The following SMAD1 variants were observed in gnomAD, a reference collection of about 807,000 sequenced individuals.
SMAD1 encodes SMAD family member 1.
SMAD1 carries 6 observed loss-of-function variants against 41.6 expected under a neutral mutation model. That is an observed-to-expected ratio of 0.14 (90% CI 0.08 to 0.28). SMAD1 has a LOEUF of 0.28. SMAD1 is among the 10% of genes least tolerant of loss of function. The pLI, the probability that SMAD1 is intolerant of heterozygous loss-of-function variation, is 1.00. For missense variants in SMAD1, 379 were observed against 582.6 expected (o/e 0.65, Z 3.60); for synonymous variants, 206 against 203.2 (o/e 1.01, Z -0.12).
intron 2 of SMAD1, among the ~76,000 whole-genome samples, chr4:145,522,760 A>G (rs894960027): frequency 1.3e-5 from 2 of 150,698 alleles, no homozygotes; most frequent in African/African-American, 4.9e-5. Context: ...GCTCACTGCA[A>G]CCTCTGCCTC....
chr4:145,554,873 A>G (rs918187469), intron 6 of SMAD1, among the ~76,000 whole-genome samples: 2 of 152,188 alleles, frequency 1.3e-5, no homozygotes, highest in Non-Finnish European at 2.9e-5. Flanking sequence ...GAGTGAGGCA[A>G]TTATCTTTTA....
chr4:145,546,640 G>T (rs1393380322), intron 4 of SMAD1, 63 bp from the exon 5 acceptor site: 13 of 1,148,916 alleles, frequency 1.1e-5, no homozygotes, highest in Non-Finnish European at 1.3e-5. Context: ...TCAACAACAC[G>T]GTTTCAGTTT....
intron 2 of SMAD1, among the ~76,000 whole-genome samples, chr4:145,528,107 ATT>A (rs751680168): frequency 2.2e-5 from 3 of 133,748 alleles, no homozygotes; most frequent in African/African-American, 2.8e-5. Context: ...ACACACATAT[ATT>A]TTTTTTTTTT....
chr4:145,526,599 A>G (rs1731029647), intron 2 of SMAD1, among the ~76,000 whole-genome samples: 1 of 151,352 alleles, frequency 6.6e-6, no homozygotes, highest in African/African-American at 2.4e-5. Flanking sequence ...ATCTGAGACA[A>G]TTTGATCAAC....
Position 145,540,065 on chromosome 4 carries a change from G to A in SMAD1, c.658+4G>A, listed in dbSNP as rs758415385. On this transcript the variant is annotated splice_donor_region_variant and intron_variant, in intron 3 of 6. Transcript: ENST00000302085. ...GGAAGCCCTTTCCAGATGCCAGGTA[G>A]GTTGGAATGTTCAGTGATGTTCTGT... The A allele has an allele frequency of 6.2e-7, 1 of 1,613,992 alleles. No individual in the cohort carries two copies. Among genetic ancestry groups the A allele is most frequent in the Admixed American group, 1.7e-5 (1 of 60,004 alleles).
At chr4:145,538,690 A>G (rs759017749) in intron 2 of SMAD1, among the ~76,000 whole-genome samples, 11 of 152,168 alleles carry the variant, frequency 7.2e-5, no homozygotes, top group Non-Finnish European at 1.5e-4. Flanking sequence ...CTAACAACCA[A>G]CAATAATCAT....
chr4:145,521,408 A>T (rs1009283057), intron 2 of SMAD1, among the ~76,000 whole-genome samples: 1 of 152,126 alleles, frequency 6.6e-6, no homozygotes, highest in African/African-American at 2.4e-5. Flanking sequence ...GGGCATATTA[A>T]ATCTGAGCTT....
At chr4:145,488,492 G>GTA (rs1728609384) in intron 1 of SMAD1, among the ~76,000 whole-genome samples, 1 of 151,772 alleles carries the variant, frequency 6.6e-6, no homozygotes, top group Non-Finnish European at 1.5e-5. Context: ...GTGTGTGTGT[G>GTA]TGTGTGTGTG....
At chr4:145,544,754 A>T (rs1370228390) in intron 4 of SMAD1, 2 of 152,076 alleles carry the variant, frequency 1.3e-5, no homozygotes, top group African/African-American at 2.4e-5. Flanking sequence ...ATCAAACATA[A>T]TTCTGAGTCA....
intron 6 of SMAD1, among the ~76,000 whole-genome samples, chr4:145,556,036 C>G (rs990333582): frequency 6.6e-6 from 1 of 152,196 alleles, no homozygotes; most frequent in Non-Finnish European, 1.5e-5. Flanking sequence ...ATTATAAGGA[C>G]TGCATACTTT....
intron 1 of SMAD1, among the ~76,000 whole-genome samples, chr4:145,486,317 CTCTTGCATTTTCT>C (rs1728479545): frequency 6.6e-6 from 1 of 152,150 alleles, no homozygotes; most frequent in Admixed American, 6.5e-5. Context: ...TGTCACTTTC[CTCTTGCATTTTCT>C]TACATAATCA....
intron 1 of SMAD1, among the ~76,000 whole-genome samples, chr4:145,511,174 AT>A (rs1213623491): frequency 6.6e-6 from 1 of 152,198 alleles, no homozygotes; most frequent in Admixed American, 6.5e-5. Flanking sequence ...AGTCATTTAT[AT>A]TTAAGTAATT....
chr4:145,543,321 G>A (rs546026968), intron 4 of SMAD1, among the ~76,000 whole-genome samples: 65 of 152,278 alleles, frequency 4.3e-4, no homozygotes, highest in African/African-American at 1.5e-3. Context: ...AAGTATAACA[G>A]TACTGAAGTA....
intron 2 of SMAD1, among the ~76,000 whole-genome samples, chr4:145,523,034 G>GT (rs547176258): frequency 1.2e-3 from 180 of 152,030 alleles, no homozygotes; most frequent in African/African-American, 3.8e-3. Flanking sequence ...TCTAGTTCAA[G>GT]TTTTTTTTAA....
At chr4:145,557,038 C>G (rs1043066886) in intron 6 of SMAD1, among the ~76,000 whole-genome samples, 26 of 112,228 alleles carry the variant, frequency 2.3e-4, no homozygotes, top group African/African-American at 1.7e-3. Context: ...AGAACCCAAC[C>G]TTCTCTGATA....
At chr4:145,553,449 G>T (rs577463878) in intron 5 of SMAD1, among the ~76,000 whole-genome samples, 1 of 152,086 alleles carries the variant, frequency 6.6e-6, no homozygotes, top group African/African-American at 2.4e-5. Context: ...TAAGGAGCAC[G>T]CAACCTTGAT....
Position 145,558,082 on chromosome 4 carries a change from A to C in SMAD1, c.*148A>C, listed in dbSNP as rs866953177. The stretch of plus-strand genomic sequence containing the variant: ...CTGTTGGATTCAGAAATTTAAACAA[A>C]AAAAAAAAAAAACACACACACCTTG... On this transcript the variant is annotated 3_prime_UTR_variant, in exon 7 of 7. Coordinates refer to ENST00000302085, the MANE Select transcript of SMAD1 (RefSeq NM_005900.3). 133 of 389,538 alleles carry C rather than the reference A, an allele frequency of 3.4e-4. No homozygotes were observed. Among genetic ancestry groups the C allele is most frequent in the South Asian group, 2.1e-3 (26 of 12,322 alleles). 24.1% of individuals were successfully genotyped at this position (389,538 alleles called of 1,614,324 possible).
At chr4:145,494,876 C>T (rs1728979863) in intron 1 of SMAD1, among the ~76,000 whole-genome samples, 1 of 152,146 alleles carries the variant, frequency 6.6e-6, no homozygotes, top group Non-Finnish European at 1.5e-5. Context: ...GGATTGACTG[C>T]TTTGCTTCCC....
chr4:145,506,342 G>A (rs1482166235), intron 1 of SMAD1, among the ~76,000 whole-genome samples: 1 of 152,156 alleles, frequency 6.6e-6, no homozygotes, highest in Admixed American at 6.5e-5. Context: ...GAAAAGAGTT[G>A]CCTGCTTCAT....
Sources: allele counts gnomAD v4.1 joint callset (sites outside exome capture counted in the v4.1 genomes callset), GRCh38; gene constraint gnomAD v4.1.1; transcripts MANE v1.5; gene names NCBI Gene and HGNC (gene_info 2026-07-23, HGNC 2026-07-21).